CMIP: variants seen among roughly 807,000 people sequenced by gnomAD.
CMIP encodes C-Maf-inducing protein.
A neutral mutation model predicts 97.3 loss-of-function variants in CMIP; 13 were observed. The observed-to-expected ratio is 0.13, with a 90% CI of 0.09 to 0.21. The LOEUF (loss-of-function observed/expected upper bound fraction) is 0.21. Among genes scored for constraint, CMIP ranks in the 10% least tolerant of loss-of-function variants. The pLI is 1.00. For synonymous variants in CMIP, 538 were observed against 436.3 expected, an observed-to-expected ratio of 1.23 and a Z score of -2.91; for missense variants, 847 against 1,024.9, an observed-to-expected ratio of 0.83 and a Z score of 2.37.
In CMIP at chr16:81,616,026, C is replaced by T. The variant is rs906561564; in HGVS notation, c.427-4850C>T. Among the ~76,000 whole-genome samples the T allele has an allele frequency of 6.8e-6, 1 of 147,088 alleles. No individual in the cohort carries two copies. The highest frequency in any genetic ancestry group is 1.5e-5 in the Non-Finnish European group (1 of 66,866). ...GCACTGGGGCAGAAGGAGCCGGGCG[C>T]GGTGGGTGGGAGATCTTGGCTGTCT... On this transcript the variant is annotated intron_variant, in intron 2 of 20. Coordinates refer to ENST00000537098, the MANE Select transcript of CMIP (RefSeq NM_198390.3). This position sits in a 1 kb window ranked among gnomAD's most constrained non-coding sequence, Gnocchi z 4.7.
At chr16:81,481,627 A>G (rs1468727896) in intron 1 of CMIP, among the ~76,000 whole-genome samples, 1 of 152,198 alleles carries the variant, frequency 6.6e-6, no homozygotes, top group Non-Finnish European at 1.5e-5. Context: ...TGTGGCTGCT[A>G]TGACAAATGA....
intron 1 of CMIP, among the ~76,000 whole-genome samples, chr16:81,460,883 A>G (rs1387520254): frequency 1.3e-5 from 2 of 152,324 alleles, no homozygotes; most frequent in South Asian, 4.1e-4. Flanking sequence ...TTGCCTACCC[A>G]CTGTGGCCTT....
At position 81,616,948 on chromosome 16, in the gene CMIP, G is replaced by C. The variant is rs1050256675; in HGVS notation, c.427-3928G>C. ...GGGCGTGGCCAGGCCAGGCAGCTGG[G>C]GCCCAGGAGGAGAGATCTGTCAGCC... is the stretch of plus-strand genomic sequence containing the variant. On this transcript the variant is annotated intron_variant, in intron 2 of 20. Transcript: ENST00000537098. This position sits in a 1 kb window ranked among gnomAD's most constrained non-coding sequence, Gnocchi z 4.7. The C allele has an allele frequency of 5.9e-5, 9 of 152,784 alleles. No individual in the cohort carries two copies. Among genetic ancestry groups the C allele is most frequent in the African/African-American group, 2.2e-4 (9 of 41,464 alleles). The allele number at this position is 152,784 out of a possible 1,614,324, so 9.5% of individuals were successfully genotyped here.
At chr16:81,573,592 T>G (rs1003127231) in intron 1 of CMIP, among the ~76,000 whole-genome samples, 1 of 151,938 alleles carries the variant, frequency 6.6e-6, no homozygotes, top group Admixed American at 6.6e-5. Context: ...GTACAATATA[T>G]CTGTTACTTG....
chr16:81,596,506 CAAAAA>C (rs1164896590), intron 1 of CMIP, among the ~76,000 whole-genome samples: 7 of 89,016 alleles, frequency 7.9e-5, no homozygotes, highest in African/African-American at 2.3e-4. Flanking sequence ...GGCCCTGTCT[CAAAAA>C]AAAAAAAAAA....
intron 1 of CMIP, among the ~76,000 whole-genome samples, chr16:81,553,127 C>G (rs1343789995): frequency 6.6e-6 from 1 of 152,180 alleles, no homozygotes; most frequent in African/African-American, 2.4e-5. Context: ...GCCTGAGTCT[C>G]TGCTTGTTTC....
intron 1 of CMIP, among the ~76,000 whole-genome samples, chr16:81,602,343 G>A (rs1265783926): frequency 2.0e-5 from 3 of 152,228 alleles, no homozygotes; most frequent in African/African-American, 7.2e-5. Context: ...ACACACCAGA[G>A]TGCTAATGAG....
At chr16:81,643,905 C>T (rs2092334439) in intron 3 of CMIP, among the ~76,000 whole-genome samples, 1 of 152,192 alleles carries the variant, frequency 6.6e-6, no homozygotes, top group African/African-American at 2.4e-5. Flanking sequence ...CCTGGTGCCT[C>T]AGACAGCCTA....
chr16:81,584,572 T>C (rs979122068), intron 1 of CMIP, among the ~76,000 whole-genome samples: 4 of 152,226 alleles, frequency 2.6e-5, no homozygotes, highest in African/African-American at 9.6e-5. Flanking sequence ...CTGAAACCAT[T>C]GGTCTGTTAA....
chr16:81,681,127 G>C (rs955665677), intron 10 of CMIP, among the ~76,000 whole-genome samples: 4 of 152,226 alleles, frequency 2.6e-5, no homozygotes, highest in African/African-American at 7.2e-5. Context: ...CTACGCAGAG[G>C]AGCAGGTCAC....
chr16:81,615,341 TTG>T (rs201720005), intron 2 of CMIP, among the ~76,000 whole-genome samples: 4 of 144,490 alleles, frequency 2.8e-5, no homozygotes, highest in Non-Finnish European at 6.1e-5. Flanking sequence ...GTATGTGTCT[TTG>T]TGTGTGTGGT....
chr16:81,505,899 G>A (rs762839933), intron 1 of CMIP, among the ~76,000 whole-genome samples: 2 of 152,256 alleles, frequency 1.3e-5, no homozygotes, highest in Non-Finnish European at 2.9e-5. Flanking sequence ...GGAGGCTGAG[G>A]CAGGAGAATC....
At chr16:81,654,379 C>A (rs886532867) in intron 4 of CMIP, among the ~76,000 whole-genome samples, 4 of 152,180 alleles carry the variant, frequency 2.6e-5, no homozygotes, top group African/African-American at 7.2e-5. Flanking sequence ...GGACCAGACA[C>A]CTGGCTGAGG....
chr16:81,545,584 C>T (rs1380706137), intron 1 of CMIP, among the ~76,000 whole-genome samples: 1 of 152,180 alleles, frequency 6.6e-6, no homozygotes, highest in Non-Finnish European at 1.5e-5. Flanking sequence ...CAGATGGAAG[C>T]ATGAGGCTGG....
At chr16:81,669,966 A>G (rs553223064) in intron 7 of CMIP, among the ~76,000 whole-genome samples, 176 bp from the exon 8 acceptor site, 5 of 152,300 alleles carry the variant, frequency 3.3e-5, no homozygotes, top group African/African-American at 1.2e-4. Flanking sequence ...TCGCAGTGCT[A>G]TTCTTTGAAG....
intron 1 of CMIP, among the ~76,000 whole-genome samples, chr16:81,563,046 G>A (rs764129280): frequency 3.1e-4 from 47 of 152,168 alleles, no homozygotes; most frequent in Non-Finnish European, 6.0e-4. Flanking sequence ...GGAATCTCAC[G>A]TGCCCTGGCA....
chr16:81,580,599 C>T (rs113944186), intron 1 of CMIP, among the ~76,000 whole-genome samples: 12,114 of 151,874 alleles, frequency 0.08, 1,075 homozygotes, highest in African/African-American at 0.22. Context: ...CCACACCCAG[C>T]TAATTTTTGC....
At chr16:81,700,762 C>T (rs551834800) in intron 15 of CMIP, among the ~76,000 whole-genome samples, 1 of 152,268 alleles carries the variant, frequency 6.6e-6, no homozygotes, top group Admixed American at 6.5e-5. Flanking sequence ...TGCTGGAGGC[C>T]AGGGTGGCTG....
chr16:81,500,440 TCTCCCTTC>T (rs2089586705), intron 1 of CMIP, among the ~76,000 whole-genome samples: 1 of 98,644 alleles, frequency 1.0e-5, no homozygotes, highest in African/African-American at 3.9e-5. Flanking sequence ...CCTCTCTCTC[TCTCCCTTC>T]CTCCCTCCCT....
Sources: allele counts gnomAD v4.1 joint callset (sites outside exome capture counted in the v4.1 genomes callset), GRCh38; gene constraint gnomAD v4.1.1; non-coding constraint Gnocchi (gnomAD v3.1); transcripts MANE v1.5; gene names NCBI Gene and HGNC (gene_info 2026-07-23, HGNC 2026-07-21).